PRKCB: variants seen among roughly 807,000 people sequenced by gnomAD.
The protein encoded by PRKCB is protein kinase C beta type.
Under a neutral mutation model 81.5 loss-of-function variants are expected in PRKCB, and 13 were observed. The observed-to-expected ratio is 0.16, with a 90% CI of 0.10 to 0.25. The LOEUF (loss-of-function observed/expected upper bound fraction) is 0.25. PRKCB is among the 10% of genes least tolerant of loss of function. The pLI, the probability that PRKCB is intolerant of heterozygous loss-of-function variation, is 1.00. For synonymous variants in PRKCB, 335 were observed against 321.4 expected (o/e 1.04, Z -0.45); for missense variants, 509 against 875.7 (o/e 0.58, Z 5.29).
intron 16 of PRKCB, among the ~76,000 whole-genome samples, chr16:24,199,654 A>C (rs975668580): frequency 6.6e-6 from 1 of 152,264 alleles, no homozygotes; most frequent in African/African-American, 2.4e-5. Context: ...CAAATATATT[A>C]GAAAATATAT....
At chr16:24,214,625 C>T (rs1555503033) in intron 16 of PRKCB, 33 bp from the exon 17 acceptor site, 2 of 1,572,614 alleles carry the variant, frequency 1.3e-6, no homozygotes, top group South Asian at 1.1e-5. Flanking sequence ...TTTTTTCCCA[C>T]CCACCACAAG....
intron 9 of PRKCB, among the ~76,000 whole-genome samples, chr16:24,135,060 A>C (rs1966860375): frequency 6.8e-6 from 1 of 146,018 alleles, no homozygotes; most frequent in South Asian, 2.3e-4. Context: ...ACCTAGGTTC[A>C]CTTTTTTCCT....
chr16:24,071,189 T>C (rs1364414572), intron 5 of PRKCB, among the ~76,000 whole-genome samples: 1 of 152,094 alleles, frequency 6.6e-6, no homozygotes, highest in Non-Finnish European at 1.5e-5. Flanking sequence ...CTTCATGATA[T>C]ACCCTAAGCA....
intron 7 of PRKCB, among the ~76,000 whole-genome samples, chr16:24,100,141 A>T (rs894686824): frequency 3.3e-5 from 5 of 152,138 alleles, no homozygotes; most frequent in African/African-American, 1.2e-4. Flanking sequence ...CTACTTTAAC[A>T]TTCATGTCAG....
chr16:23,911,134 T>TTTTTTTTTTTTC (rs1963647114), intron 2 of PRKCB, among the ~76,000 whole-genome samples: 1 of 102,998 alleles, frequency 9.7e-6, no homozygotes, highest in African/African-American at 3.8e-5. Flanking sequence ...TATGCTTTTT[T>TTTTTTTTTTTTC]TTTTTTTTTT....
chr16:24,109,382 T>A (rs1284366006), intron 7 of PRKCB, among the ~76,000 whole-genome samples: 4 of 114,874 alleles, frequency 3.5e-5, no homozygotes, highest in African/African-American at 3.9e-5. Flanking sequence ...GGCTCCTCAC[T>A]TCTCAGACGG....
chr16:23,928,905 G>C (rs1201827954), intron 2 of PRKCB, among the ~76,000 whole-genome samples: 1 of 151,940 alleles, frequency 6.6e-6, no homozygotes, highest in Non-Finnish European at 1.5e-5. Flanking sequence ...TTTTAGTAGA[G>C]ACGGGGTTTT....
intron 2 of PRKCB, among the ~76,000 whole-genome samples, chr16:23,912,712 C>A (rs1167668484): frequency 6.6e-6 from 1 of 151,026 alleles, no homozygotes; most frequent in East Asian, 1.9e-4. Context: ...GGGGTCTCAC[C>A]CTGTTGGGCA....
Position 24,215,154 on chromosome 16 carries a change from C to G in PRKCB, c.*338C>G, listed in dbSNP as rs1028399102. 5.6e-6 allele frequency: 6 copies of G among 1,062,970 alleles called. No homozygotes were observed. The highest frequency in any genetic ancestry group is 6.8e-6 in the Non-Finnish European group (6 of 876,318). 65.8% of individuals were successfully genotyped at this position (1,062,970 alleles called of 1,614,324 possible). ...CTTTTTCTGCACTGCCATATTCACC[C>G]CCAACCATCCAATCTGTGGATAATT... On this transcript the variant is annotated 3_prime_UTR_variant, in exon 17 of 17. Transcript: ENST00000643927.
At chr16:24,063,226 A>G (rs1965994632) in intron 5 of PRKCB, among the ~76,000 whole-genome samples, 1 of 151,632 alleles carries the variant, frequency 6.6e-6, no homozygotes, top group Non-Finnish European at 1.5e-5. Context: ...ATTTGTGAGT[A>G]GTACCTTAAT....
intron 9 of PRKCB, among the ~76,000 whole-genome samples, chr16:24,134,282 G>C (rs940483308): frequency 6.6e-6 from 1 of 151,818 alleles, no homozygotes; most frequent in African/African-American, 2.4e-5. Flanking sequence ...TGAAACAGCA[G>C]TTACAAAACG....
In PRKCB at chr16:24,218,070, A is replaced by G. The variant is rs776688940; in HGVS notation, c.*3254A>G. ...AACAACCTACTGTGTGCCAGGCACT[A>G]TTCTTAGCACTGGAAATACACTAGT... On this transcript the variant is annotated 3_prime_UTR_variant, in exon 17 of 17. Coordinates refer to ENST00000643927, the MANE Select transcript of PRKCB (RefSeq NM_002738.7). The G allele has an allele frequency of 1.2e-3, 1,168 of 985,296 alleles. 1 individual carries two copies. Among genetic ancestry groups the G allele is most frequent in the Middle Eastern group, 2.1e-3 (4 of 1,914 alleles). 61.0% of individuals were successfully genotyped at this position (985,296 alleles called of 1,614,324 possible).
At chr16:23,880,865 G>T (rs1963095385) in intron 2 of PRKCB, among the ~76,000 whole-genome samples, 1 of 152,102 alleles carries the variant, frequency 6.6e-6, no homozygotes, top group Non-Finnish European at 1.5e-5. Context: ...CACAAATGGG[G>T]TCAAGATGAC....
At position 23,859,855 on chromosome 16, in the gene PRKCB, G is replaced by A. The variant is rs1336194235; in HGVS notation, c.205+22449G>A. Among the ~76,000 whole-genome samples the A allele has an allele frequency of 6.0e-5, 9 of 148,860 alleles. No individual in the cohort carries two copies. The East Asian group carries it at 1.6e-3, about 26-fold the overall frequency. ...GCATGGCACTTCTCAAGGGGGTGAG[G>A]TTGACAGCATTAGGAGAGAGAGAGA... On this transcript the variant is annotated intron_variant, in intron 2 of 16. Transcript: ENST00000643927.
chr16:23,837,070 C>T (rs1962174282), intron 1 of PRKCB, among the ~76,000 whole-genome samples: 1 of 152,102 alleles, frequency 6.6e-6, no homozygotes, highest in Non-Finnish European at 1.5e-5. Context: ...CCCGAGGGTG[C>T]TCGGGGCATC....
intron 2 of PRKCB, among the ~76,000 whole-genome samples, chr16:23,966,866 G>A (rs2141797273): frequency 6.6e-6 from 1 of 152,312 alleles, no homozygotes; most frequent in Middle Eastern, 3.4e-3. Context: ...TGATGTTGTA[G>A]TGGACTAAGC....
intron 9 of PRKCB, chr16:24,151,995 C>A (rs1163087997): frequency 9.3e-6 from 4 of 428,460 alleles, no homozygotes; most frequent in South Asian, 4.9e-5. Context: ...TGTCTAGGGC[C>A]CCTCCTTCTC....
chr16:23,990,515 G>T (rs138550453), intron 3 of PRKCB, among the ~76,000 whole-genome samples: 319 of 140,634 alleles, frequency 2.3e-3, no homozygotes, highest in African/African-American at 8.2e-3. Context: ...TTTAAGCAAA[G>T]TCTTACTCTT....
intron 3 of PRKCB, among the ~76,000 whole-genome samples, chr16:24,011,549 C>T (rs892872590): frequency 1.3e-5 from 2 of 152,130 alleles, no homozygotes; most frequent in Non-Finnish European, 2.9e-5. Context: ...CAGGATCTCA[C>T]TCTGTTGTTG....
Sources: allele counts gnomAD v4.1 joint callset (sites outside exome capture counted in the v4.1 genomes callset), GRCh38; gene constraint gnomAD v4.1.1; transcripts MANE v1.5; gene names NCBI Gene and HGNC (gene_info 2026-07-23, HGNC 2026-07-21).